The following C10orf90 variants were observed in gnomAD, a reference collection of about 807,000 sequenced individuals.
The protein encoded by C10orf90 is (E2-independent) E3 ubiquitin-conjugating enzyme FATS.
Under a neutral mutation model 62.5 loss-of-function variants are expected in C10orf90, and 56 were observed. The ratio of observed to expected loss-of-function variants is 0.90; its 90% CI spans 0.72 to 1.12. The LOEUF (loss-of-function observed/expected upper bound fraction) is 1.12. Ranked by LOEUF, C10orf90 falls within the 50% of genes most tolerant of loss-of-function variation. C10orf90 has a pLI of 0.00. For synonymous variants in C10orf90, 386 were observed against 340.4 expected (o/e 1.13, Z -1.47); for missense variants, 970 against 880.4 (o/e 1.10, Z -1.29).
intron 1 of C10orf90, among the ~76,000 whole-genome samples, chr10:126,662,175 T>G (rs923860851): frequency 2.0e-5 from 3 of 152,014 alleles, no homozygotes; most frequent in Non-Finnish European, 4.4e-5. Flanking sequence ...GGTTTTAAAA[T>G]TATTATGGGT....
intron 2 of C10orf90, among the ~76,000 whole-genome samples, chr10:126,545,067 C>A (rs1326784485): frequency 2.0e-5 from 3 of 152,186 alleles, no homozygotes; most frequent in Non-Finnish European, 2.9e-5. Context: ...TGAAAATAAG[C>A]ATCTTACAGC....
intron 2 of C10orf90, among the ~76,000 whole-genome samples, chr10:126,556,085 C>T (rs1318544227): frequency 6.6e-6 from 1 of 152,208 alleles, no homozygotes; most frequent in Admixed American, 6.5e-5. Flanking sequence ...ATAAACGAGT[C>T]TCCACTTTCT....
At chr10:126,649,568 A>T (rs1846251245) in intron 1 of C10orf90, among the ~76,000 whole-genome samples, 1 of 152,162 alleles carries the variant, frequency 6.6e-6, no homozygotes, top group East Asian at 1.9e-4. Context: ...TGACCTGCCC[A>T]CATGCGTGTC....
chr10:126,478,118 A>G (rs1860988292), intron 4 of C10orf90, among the ~76,000 whole-genome samples: 1 of 152,224 alleles, frequency 6.6e-6, no homozygotes, highest in African/African-American at 2.4e-5. Flanking sequence ...CTTGGAATAA[A>G]TAACTGGGAC....
chr10:126,451,578 G>C (rs1262031526), intron 7 of C10orf90, among the ~76,000 whole-genome samples: 2 of 151,770 alleles, frequency 1.3e-5, no homozygotes, highest in South Asian at 2.1e-4. Flanking sequence ...TATGCCTATT[G>C]ATTGGTCTAT....
intron 2 of C10orf90, among the ~76,000 whole-genome samples, chr10:126,537,852 G>T: frequency 6.6e-6 from 1 of 152,200 alleles, no homozygotes; most frequent in East Asian, 1.9e-4. Flanking sequence ...ACCTCAGAAT[G>T]TGATCTTATT....
chr10:126,488,937 G>A (rs1273220237), intron 4 of C10orf90, among the ~76,000 whole-genome samples: 1 of 151,804 alleles, frequency 6.6e-6, no homozygotes, highest in African/African-American at 2.4e-5. Flanking sequence ...GACTTCATGG[G>A]TGATTTCTAC....
intron 8 of C10orf90, 51 bp downstream of exon 8, chr10:126,429,736 C>A (rs1375321202): frequency 3.9e-6 from 6 of 1,539,992 alleles, no homozygotes; most frequent in Admixed American, 3.4e-5. Context: ...GCCATCAAAC[C>A]ACCCTACTCC....
intron 4 of C10orf90, among the ~76,000 whole-genome samples, chr10:126,483,648 C>T (rs555741909): frequency 7.2e-5 from 11 of 152,332 alleles, no homozygotes; most frequent in African/African-American, 1.2e-4. Flanking sequence ...AGGAGGACTG[C>T]GTCTTCAGAA....
At chr10:126,579,642 T>G (rs1844704245) in intron 2 of C10orf90, among the ~76,000 whole-genome samples, 1 of 152,170 alleles carries the variant, frequency 6.6e-6, no homozygotes, top group Non-Finnish European at 1.5e-5. Context: ...ATATTATTCA[T>G]GGCTAGAGAA....
rs1397837610 is a variant in C10orf90 at position 126,646,618 on chromosome 10, G to A, written c.260C>T (p.Ser87Leu). 4.5e-6 allele frequency: 2 copies of A among 447,682 alleles called. No homozygotes were observed. Among genetic ancestry groups the A allele is most frequent in the Non-Finnish European group, 8.9e-6 (2 of 223,624 alleles). 27.7% of individuals were successfully genotyped at this position (447,682 alleles called of 1,614,324 possible). A position where few individuals can be genotyped will look rare whatever the true frequency, so the allele number is the denominator to read the frequency against. ...SRYEIHSRLF[S>L]SPKDHSAWER... ...CCAGGCAGAATGATCTTTGGGGGATGAGAAGAGTCGACTGTGGATCTAGAA... is the reference window on the plus strand; with the variant it reads ...CCAGGCAGAATGATCTTTGGGGGATAAGAAGAGTCGACTGTGGATCTAGAA... Residue 87 changes from serine (S) to leucine (L), a missense_variant, in exon 2 of 10, where the codon TCA (serine) becomes TTA (leucine). Coordinates refer to ENST00000488181, the MANE Select transcript of C10orf90 (RefSeq NM_001350921.2).
chr10:126,613,179 G>T (rs1188516416), intron 2 of C10orf90, among the ~76,000 whole-genome samples: 2 of 152,102 alleles, frequency 1.3e-5, no homozygotes, highest in African/African-American at 4.8e-5. Context: ...CAAGTTAAAT[G>T]GTATTCAAAG....
At chr10:126,432,874 T>C (rs1441703663) in intron 7 of C10orf90, among the ~76,000 whole-genome samples, 2 of 152,190 alleles carry the variant, frequency 1.3e-5, no homozygotes, top group African/African-American at 4.8e-5. Flanking sequence ...TGCAAACCTA[T>C]TTAAGGAGCT....
At chr10:126,565,251 T>C (rs1591104051) in intron 2 of C10orf90, among the ~76,000 whole-genome samples, 1 of 19,004 alleles carries the variant, frequency 5.3e-5, no homozygotes, top group South Asian at 1.0e-3. Context: ...TAATATTTAT[T>C]ATATTATATA....
chr10:126,600,176 C>T (rs906597116), intron 2 of C10orf90, among the ~76,000 whole-genome samples: 6 of 152,196 alleles, frequency 3.9e-5, no homozygotes, highest in African/African-American at 1.4e-4. Flanking sequence ...CATGTGTGTG[C>T]ACACGTGTGT....
intron 2 of C10orf90, among the ~76,000 whole-genome samples, chr10:126,645,070 A>C (rs1261944263): frequency 6.7e-6 from 1 of 148,838 alleles, no homozygotes; most frequent in Non-Finnish European, 1.5e-5. Context: ...ATGAGATCAC[A>C]TGGACACAGG....
At chr10:126,519,196 G>A (rs55814458) in intron 2 of C10orf90, among the ~76,000 whole-genome samples, 11,976 of 152,246 alleles carry the variant, frequency 0.079, 677 homozygotes, top group Middle Eastern at 0.18. Context: ...TGGTGGCATA[G>A]CCCAAGCCAC....
At chr10:126,567,504 G>T (rs1329585186) in intron 2 of C10orf90, among the ~76,000 whole-genome samples, 1 of 152,136 alleles carries the variant, frequency 6.6e-6, no homozygotes. Context: ...ACCATATCGG[G>T]AGGCATGAGA....
chr10:126,429,744 T>TC (rs1857464283), intron 8 of C10orf90, 43 bp downstream of exon 8: 2 of 1,572,000 alleles, frequency 1.3e-6, no homozygotes, highest in South Asian at 2.2e-5. Context: ...ACCACCCTAC[T>TC]CCCCCCACCA....
Sources: gnomAD v4.1 joint callset for allele counts (sites outside exome capture counted in the v4.1 genomes callset) on GRCh38, gnomAD v4.1.1 for gene constraint, MANE v1.5 for transcripts, NCBI Gene and HGNC (gene_info 2026-07-23, HGNC 2026-07-21) for gene names.